LYPLAL1: variants seen among roughly 807,000 people sequenced by gnomAD.
LYPLAL1 encodes lysophospholipase-like protein 1.
LYPLAL1 carries 23 observed loss-of-function variants against 19.7 expected under a neutral mutation model. The observed-to-expected ratio is 1.17, with a 90% confidence interval of 0.84 to 1.65. The LOEUF (loss-of-function observed/expected upper bound fraction) is 1.65, where lower values mean the gene tolerates loss of function less well. Among genes scored for constraint, LYPLAL1 ranks in the 40% most tolerant of loss-of-function variants. LYPLAL1 has a pLI of 0.00. For missense variants in LYPLAL1, 355 were observed against 279.4 expected, an observed-to-expected ratio of 1.27 and a Z score of -1.93; for synonymous variants, 119 against 96.3, an observed-to-expected ratio of 1.24 and a Z score of -1.38.
chr1:219,237,397 G>GA, the LYPLAL1 span, among the ~76,000 whole-genome samples: 2 of 152,120 alleles, frequency 1.3e-5, no homozygotes, highest in Admixed American at 1.3e-4. Context: ...GTGTGTGGGA[G>GA]AAAAAAGCCT....
chr1:219,207,610 C>T (rs999796976), intron 3 of LYPLAL1, among the ~76,000 whole-genome samples: 1 of 151,970 alleles, frequency 6.6e-6, no homozygotes, highest in African/African-American at 2.4e-5. Context: ...GTGCCAGGCA[C>T]TGTTGTAAGC....
At chr1:219,291,320 A>G in the LYPLAL1 span, among the ~76,000 whole-genome samples, 6 of 152,326 alleles carry the variant, frequency 3.9e-5, no homozygotes, top group Non-Finnish European at 7.4e-5. Flanking sequence ...TTTAGCTTCT[A>G]TTAAATGTGG....
the LYPLAL1 span, among the ~76,000 whole-genome samples, chr1:219,395,566 T>A: frequency 0.017 from 2,571 of 152,270 alleles, 36 homozygotes; most frequent in South Asian, 0.051. Flanking sequence ...ATTCTGTAGG[T>A]TGTCTGTTTA....
At chr1:219,289,517 T>C in the LYPLAL1 span, among the ~76,000 whole-genome samples, 1 of 152,136 alleles carries the variant, frequency 6.6e-6, no homozygotes, top group South Asian at 2.1e-4. Flanking sequence ...AAGAGAGCTA[T>C]TGTGAGAAAA....
the LYPLAL1 span, among the ~76,000 whole-genome samples, chr1:219,256,851 C>G: frequency 6.6e-6 from 1 of 151,840 alleles, no homozygotes; most frequent in African/African-American, 2.4e-5. Flanking sequence ...CTTTTCCAAC[C>G]TTTTGGGAAT....
At chr1:219,417,976 C>T in the LYPLAL1 span, among the ~76,000 whole-genome samples, 1 of 152,332 alleles carries the variant, frequency 6.6e-6, no homozygotes, top group African/African-American at 2.4e-5. Context: ...GATATTCTTC[C>T]TTAACTTCCC....
At chr1:219,353,296 C>T in the LYPLAL1 span, among the ~76,000 whole-genome samples, 1 of 152,190 alleles carries the variant, frequency 6.6e-6, no homozygotes, top group East Asian at 1.9e-4. Context: ...GGTAACTATG[C>T]AAAGACAGAG....
chr1:219,358,019 G>A, the LYPLAL1 span, among the ~76,000 whole-genome samples: 12 of 152,084 alleles, frequency 7.9e-5, no homozygotes, highest in East Asian at 1.4e-3. Context: ...AGTGTTTGCC[G>A]TCCACACAGG....
the LYPLAL1 span, among the ~76,000 whole-genome samples, chr1:219,283,611 G>A: frequency 6.6e-6 from 1 of 152,084 alleles, no homozygotes; most frequent in Non-Finnish European, 1.5e-5. Context: ...TTAAAGCACA[G>A]CATTTTTAAA....
chr1:219,211,345 A>G, intron 4 of LYPLAL1, 147 bp from the exon 5 acceptor site: 1 of 610,896 alleles, frequency 1.6e-6, no homozygotes, highest in Admixed American at 3.1e-5. Flanking sequence ...ACCAATGTAT[A>G]CCTCAGACAG....
chr1:219,182,419 T>G (rs1308593449), intron 2 of LYPLAL1, among the ~76,000 whole-genome samples: 3 of 152,076 alleles, frequency 2.0e-5, no homozygotes. Flanking sequence ...GTTTTAAGGA[T>G]AGTTGCTACC....
intron 2 of LYPLAL1, among the ~76,000 whole-genome samples, chr1:219,190,925 T>C (rs1373962769): frequency 6.6e-6 from 1 of 151,510 alleles, no homozygotes; most frequent in Admixed American, 6.6e-5. Flanking sequence ...GATGGAATTT[T>C]CCAAGGAAAA....
the LYPLAL1 span, among the ~76,000 whole-genome samples, chr1:219,256,551 T>C: frequency 6.6e-6 from 1 of 151,966 alleles, no homozygotes; most frequent in East Asian, 1.9e-4. Flanking sequence ...AACTTTTGGC[T>C]TTCTTAATCC....
chr1:219,374,947 C>T, the LYPLAL1 span, among the ~76,000 whole-genome samples: 27 of 152,308 alleles, frequency 1.8e-4, no homozygotes, highest in South Asian at 8.3e-4. Context: ...ATTTGAGGTT[C>T]CCTTCCATCT....
chr1:219,182,654 C>CT (rs1572158318), intron 2 of LYPLAL1, among the ~76,000 whole-genome samples: 1 of 152,206 alleles, frequency 6.6e-6, no homozygotes, highest in East Asian at 1.9e-4. Context: ...TTGCTACATA[C>CT]TTTCTGATAT....
the LYPLAL1 span, among the ~76,000 whole-genome samples, chr1:219,273,882 C>T: frequency 5.9e-5 from 9 of 152,128 alleles, no homozygotes; most frequent in Non-Finnish European, 1.2e-4. Context: ...CTGCCTCATC[C>T]TCCAAGTAGC....
At chr1:219,178,850 A>G (rs1423857076) in intron 1 of LYPLAL1, among the ~76,000 whole-genome samples, 1 of 151,992 alleles carries the variant, frequency 6.6e-6, no homozygotes, top group Non-Finnish European at 1.5e-5. Context: ...CAATTTATTT[A>G]TTTATTCCTG....
At chr1:219,329,208 T>C in the LYPLAL1 span, among the ~76,000 whole-genome samples, 1 of 152,180 alleles carries the variant, frequency 6.6e-6, no homozygotes, top group Non-Finnish European at 1.5e-5. Context: ...AGCAGTAACC[T>C]CAGAATGTTC....
the LYPLAL1 span, among the ~76,000 whole-genome samples, chr1:219,404,637 A>C: frequency 6.6e-6 from 1 of 152,252 alleles, no homozygotes; most frequent in Non-Finnish European, 1.5e-5. Flanking sequence ...GCTGGAAATC[A>C]AAGAGATGTT....
Sources: gnomAD v4.1 joint callset for allele counts (sites outside exome capture counted in the v4.1 genomes callset) on GRCh38, gnomAD v4.1.1 for gene constraint, MANE v1.5 for transcripts, NCBI Gene and HGNC (gene_info 2026-07-23, HGNC 2026-07-21) for gene names.